HIP1: variants seen among roughly 807,000 people sequenced by gnomAD.
The protein encoded by HIP1 is huntingtin-interacting protein 1.
In HIP1, 65 loss-of-function variants were observed where a neutral mutation model predicts 147.6. That is an observed-to-expected ratio of 0.44 (90% confidence interval 0.36 to 0.54). The LOEUF (loss-of-function observed/expected upper bound fraction) is 0.54, where lower values mean the gene tolerates loss of function less well. HIP1 is among the 20% of genes least tolerant of loss of function. HIP1 has a pLI of 0.00. For missense variants in HIP1, 1,061 were observed against 1,299.6 expected (o/e 0.82, Z 2.82); for synonymous variants, 479 against 504.0 (o/e 0.95, Z 0.67).
intron 1 of HIP1, among the ~76,000 whole-genome samples, chr7:75,682,807 A>T (rs1800135235): frequency 6.6e-6 from 1 of 151,936 alleles, no homozygotes; most frequent in Non-Finnish European, 1.5e-5. Context: ...CCATGTTGCC[A>T]CCTCCTCCTT....
At chr7:75,643,414 T>A (rs899182437) in intron 1 of HIP1, among the ~76,000 whole-genome samples, 1 of 152,122 alleles carries the variant, frequency 6.6e-6, no homozygotes, top group Non-Finnish European at 1.5e-5. Flanking sequence ...GGAGGACTGC[T>A]TGAGCCCAGG....
At chr7:75,589,704 A>G (rs1554500319) in intron 4 of HIP1, among the ~76,000 whole-genome samples, 3 of 116,532 alleles carry the variant, frequency 2.6e-5, no homozygotes, top group African/African-American at 1.2e-4. Flanking sequence ...AAAAAAAAAA[A>G]AAAAAAAAAA....
chr7:75,565,166 C>T (rs1231261159), intron 9 of HIP1, among the ~76,000 whole-genome samples: 1 of 152,222 alleles, frequency 6.6e-6, no homozygotes, highest in African/African-American at 2.4e-5. Flanking sequence ...GATCCCAAGA[C>T]TTAGGCCTGT....
chr7:75,557,805 TC>T, intron 15 of HIP1, 35 bp from the exon 16 acceptor site: 2 of 1,509,788 alleles, frequency 1.3e-6, no homozygotes, highest in Non-Finnish European at 1.8e-6. Context: ...AACCAGGAGA[TC>T]CCAGGCTTAG....
At chr7:75,581,140 T>C in intron 7 of HIP1, 97 bp downstream of exon 7, 1 of 902,482 alleles carries the variant, frequency 1.1e-6, no homozygotes, top group Non-Finnish European at 1.8e-6. Context: ...GTCTCCATTT[T>C]CCTACCCCTT....
Position 75,738,850 on chromosome 7 carries a change from A to G in HIP1, c.71T>C (p.Val24Ala), listed in dbSNP as rs368023237. ...CTCCGCCGCCTCCAGCCCAGCGCCGACCCCGCGCCGGCTCAGCACCTTGGG... is the reference window on the plus strand; with the variant it reads ...CTCCGCCGCCTCCAGCCCAGCGCCGGCCCCGCGCCGGCTCAGCACCTTGGG... The part of the protein sequence containing the change: ...PLPKVLSRRG[V>A]GAGLEAAERE... The change falls in exon 1 of 31, where the codon GTC becomes GCC. Residue 24 changes from valine (V) to alanine (A), a missense_variant. Around this residue, in one of 3 missense-constraint regions of HIP1, gnomAD observed 225 missense variants for 292.9 expected, o/e 0.77. Transcript: ENST00000336926. The G allele has an allele frequency of 9.4e-6, 15 of 1,589,078 alleles. No individual in the cohort carries two copies. The highest frequency in any genetic ancestry group is 1.2e-5 in the Non-Finnish European group (14 of 1,170,092).
At chr7:75,601,259 A>T (rs1328323337) in intron 1 of HIP1, among the ~76,000 whole-genome samples, 1 of 151,696 alleles carries the variant, frequency 6.6e-6, no homozygotes, top group Non-Finnish European at 1.5e-5. Context: ...TACAGTTACA[A>T]GCCACAACCA....
At chr7:75,538,296 C>T in intron 30 of HIP1, 72 bp from the exon 31 acceptor site, 2 of 1,132,798 alleles carry the variant, frequency 1.8e-6, no homozygotes, top group Non-Finnish European at 2.7e-6. Flanking sequence ...ACAAAACCTG[C>T]CACCATGGGG....
At chr7:75,621,251 G>T (rs1431880358) in intron 1 of HIP1, among the ~76,000 whole-genome samples, 1 of 152,040 alleles carries the variant, frequency 6.6e-6, no homozygotes, top group African/African-American at 2.4e-5. Flanking sequence ...GTACACACCT[G>T]GGGGAAGAGT....
At position 75,603,968 on chromosome 7, in the gene HIP1, G is replaced by A. The variant is rs13227483; in HGVS notation, c.121-4721C>T. On this transcript the variant is annotated intron_variant, in intron 1 of 30. Coordinates refer to ENST00000336926, the MANE Select transcript of HIP1 (RefSeq NM_005338.7). ...AGCAGTACTTCTCTCCTATGGAGACGCAGTGCTTACAGCTTCCTCTTAGCA... is the reference window on the plus strand; with the variant it reads ...AGCAGTACTTCTCTCCTATGGAGACACAGTGCTTACAGCTTCCTCTTAGCA... Among the ~76,000 whole-genome samples the A allele has an allele frequency of 1.0e-3, 158 of 152,172 alleles. 1 individual carries two copies. Among genetic ancestry groups the A allele is most frequent in the Non-Finnish European group, 1.8e-3 (124 of 68,016 alleles).
intron 1 of HIP1, among the ~76,000 whole-genome samples, chr7:75,600,493 G>A (rs1796934875): frequency 6.6e-6 from 1 of 152,140 alleles, no homozygotes; most frequent in Non-Finnish European, 1.5e-5. Context: ...ATTATATCAT[G>A]TAGGCTGTTT....
In HIP1 at chr7:75,561,334, T is replaced by C. The variant is rs782774142; in HGVS notation, c.1186A>G (p.Thr396Ala). The C allele has an allele frequency of 4.3e-5, 69 of 1,606,664 alleles. No individual in the cohort carries two copies. The highest frequency in any genetic ancestry group is 2.3e-4 in the Admixed American group (14 of 59,950). The change falls in exon 13 of 31, where the codon ACT becomes GCT. Residue 396 changes from threonine (T) to alanine (A), a missense_variant. Physicochemically the swap from Thr to Ala is moderately conservative, Grantham distance 58. Around this residue, in one of 3 missense-constraint regions of HIP1, gnomAD observed 810 missense variants for 946.8 expected, o/e 0.86. Transcript: ENST00000336926. ...AGAGCAGATCCAAGTTATACCTCAG[T>C]CTTCATGTTTTCTAGCTGTGCCTTC... ...GLKAQLENMK[T>A]ESQRVVLQLK...
Position 75,725,126 on chromosome 7 carries a change from C to T in HIP1, c.120+13675G>A, listed in dbSNP as rs182582097. On this transcript the variant is annotated intron_variant, in intron 1 of 30. Transcript: ENST00000336926. ...CTGCAGCCTCCAACTTGGGCTCAAG[C>T]GATCCTCCCACCTCAGCCTTCCTAG... Among the ~76,000 whole-genome samples, 330 of 152,160 alleles carry T rather than the reference C, an allele frequency of 2.2e-3. 3 individuals are homozygous for T. The highest frequency in any genetic ancestry group is 7.4e-3 in the African/African-American group (308 of 41,500).
chr7:75,546,709 A>C (rs1794577570), intron 25 of HIP1, among the ~76,000 whole-genome samples: 1 of 152,182 alleles, frequency 6.6e-6, no homozygotes, highest in Non-Finnish European at 1.5e-5. Flanking sequence ...AAGTTCCAAC[A>C]ATGTCTGCCT....
At chr7:75,593,442 C>T (rs587632213) in intron 2 of HIP1, among the ~76,000 whole-genome samples, 22 of 152,024 alleles carry the variant, frequency 1.4e-4, no homozygotes, top group Admixed American at 1.3e-3. Flanking sequence ...ATCAGCCTGA[C>T]CAACACGGCG....
At position 75,568,157 on chromosome 7, in the gene HIP1, G is replaced by A. The variant is rs191956882; in HGVS notation, c.803+42C>T. On this transcript the variant is annotated intron_variant, in intron 9 of 30. Coordinates refer to ENST00000336926, the MANE Select transcript of HIP1 (RefSeq NM_005338.7). This position sits in a 1 kb window ranked among gnomAD's most constrained non-coding sequence, Gnocchi z 4.1. ...TTGCATGGCTTAATGATTTTATAGC[G>A]CTCTTGAATTCACCTCCATTCCTGT... 204 of 1,379,972 alleles carry A rather than the reference G, an allele frequency of 1.5e-4. 1 individual carries two copies. In the African/African-American group the frequency reaches 1.6e-3, roughly 11 times the overall value. 85.5% of individuals were successfully genotyped at this position (1,379,972 alleles called of 1,614,324 possible). A position where few individuals can be genotyped will look rare whatever the true frequency, so the allele number is the denominator to read the frequency against.
At chr7:75,543,398 C>G (rs193070313) in intron 27 of HIP1, among the ~76,000 whole-genome samples, 1 of 152,218 alleles carries the variant, frequency 6.6e-6, no homozygotes, top group East Asian at 1.9e-4. Context: ...GTTGCTCAGG[C>G]TGGAGTGCAA....
chr7:75,598,536 T>A (rs1554502406), intron 2 of HIP1, among the ~76,000 whole-genome samples: 4 of 151,532 alleles, frequency 2.6e-5, no homozygotes. Context: ...CCTGGAGGGC[T>A]TTGAATATAG....
At chr7:75,661,830 G>T (rs1348882100) in intron 1 of HIP1, among the ~76,000 whole-genome samples, 3 of 152,006 alleles carry the variant, frequency 2.0e-5, no homozygotes, top group African/African-American at 7.2e-5. Flanking sequence ...GAGGTGGTGA[G>T]AGGGATTTCT....
Sources: gnomAD v4.1 joint callset for allele counts (sites outside exome capture counted in the v4.1 genomes callset) on GRCh38, gnomAD v4.1.1 for gene constraint, gnomAD v4.1.1 regional missense constraint, Gnocchi (gnomAD v3.1) non-coding constraint, MANE v1.5 for transcripts, NCBI Gene and HGNC (gene_info 2026-07-23, HGNC 2026-07-21) for gene names.